Variants in LIMS1 observed in about 807,000 individuals in gnomAD.
LIMS1 encodes LIM zinc finger domain containing 1.
LIMS1 carries 18 observed loss-of-function variants against 44.1 expected under a neutral mutation model. That is an observed-to-expected ratio of 0.41 (90% CI 0.28 to 0.61). The LOEUF (loss-of-function observed/expected upper bound fraction) is 0.61. LIMS1 is among the 20% of genes least tolerant of loss of function. The pLI, the probability that LIMS1 is intolerant of heterozygous loss-of-function variation, is 0.32. For missense variants in LIMS1, 201 were observed against 422.0 expected, an observed-to-expected ratio of 0.48 and a Z score of 4.59; for synonymous variants, 93 against 149.1, an observed-to-expected ratio of 0.62 and a Z score of 2.74.
chr2:108,587,647 A>C (rs1292967284), intron 1 of LIMS1, among the ~76,000 whole-genome samples: 4 of 152,148 alleles, frequency 2.6e-5, no homozygotes, highest in Non-Finnish European at 4.4e-5. Context: ...AGGCAAGGAC[A>C]CCCTCATTCA....
At position 108,551,957 on chromosome 2, in the gene LIMS1, A is replaced by G. The variant is rs866338439; in HGVS notation, c.32+17363A>G. Among the ~76,000 whole-genome samples, 335 of 136,562 alleles carry G rather than the reference A, an allele frequency of 2.5e-3. 5 individuals are homozygous for G. Among genetic ancestry groups the G allele is most frequent in the African/African-American group, 4.7e-3 (178 of 37,618 alleles). The allele number at this position is 136,562 out of a possible 152,430, so 89.6% of individuals were successfully genotyped here. The stretch of plus-strand genomic sequence containing the variant: ...TGTGTGTGTGTGTGTGTGTGTGTAT[A>G]TATATATATATATATGTATATATAT... On this transcript the variant is annotated intron_variant, in intron 1 of 9. Transcript: ENST00000544547.
At position 108,534,484 on chromosome 2, in the gene LIMS1, G is replaced by A. The variant is rs1263584277; in HGVS notation, c.-79G>A. 2.7e-6 allele frequency: 3 copies of A among 1,100,722 alleles called. No homozygotes were observed. The African/African-American group carries it at 5.0e-5, about 18-fold the overall frequency. 68.2% of individuals were successfully genotyped at this position (1,100,722 alleles called of 1,614,324 possible). ...CCGGGCCCGCCAGTAGCCGGCCGCGGCGGCGAGGGACTAGGACGCGGCTGG... is the reference window on the plus strand; with the variant it reads ...CCGGGCCCGCCAGTAGCCGGCCGCGACGGCGAGGGACTAGGACGCGGCTGG... On this transcript the variant is annotated 5_prime_UTR_variant, in exon 1 of 10. Coordinates refer to ENST00000544547, the Ensembl canonical transcript of LIMS1.
At chr2:108,556,217 T>A (rs1481498567) in intron 1 of LIMS1, among the ~76,000 whole-genome samples, 1 of 152,254 alleles carries the variant, frequency 6.6e-6, no homozygotes, top group Non-Finnish European at 1.5e-5. Context: ...TGTGTCTTGC[T>A]AATTTTACTT....
intron 1 of LIMS1, among the ~76,000 whole-genome samples, chr2:108,597,692 G>GCTT (rs1553457470): frequency 2.2e-5 from 2 of 92,834 alleles, no homozygotes; most frequent in Non-Finnish European, 4.3e-5. Context: ...AAGCAAAAAT[G>GCTT]CTTTTTTTTT....
At chr2:108,595,452 G>A (rs946186127) in intron 1 of LIMS1, among the ~76,000 whole-genome samples, 2 of 151,510 alleles carry the variant, frequency 1.3e-5, no homozygotes, top group African/African-American at 4.9e-5. Context: ...AGCAAAACAG[G>A]GACCATCCTA....
chr2:108,591,942 G>A (rs898690726), intron 1 of LIMS1, among the ~76,000 whole-genome samples: 1 of 151,006 alleles, frequency 6.6e-6, no homozygotes, highest in Admixed American at 6.6e-5. Flanking sequence ...TTACAGGCAC[G>A]CACCACCATG....
At chr2:108,603,190 A>G (rs959731139) in intron 1 of LIMS1, among the ~76,000 whole-genome samples, 3 of 152,164 alleles carry the variant, frequency 2.0e-5, no homozygotes, top group Non-Finnish European at 4.4e-5. Flanking sequence ...ATTTTTCAGA[A>G]TAGTTTCAGT....
chr2:108,678,147 T>TCTGC, intron 8 of LIMS1, 120 bp downstream of exon 8: 1 of 1,409,504 alleles, frequency 7.1e-7, no homozygotes, highest in Non-Finnish European at 9.7e-7. Flanking sequence ...TTACTTTTTC[T>TCTGC]CTATCTTTGG....
exon 6 of LIMS1, chr2:108,675,896 T>A: frequency 6.2e-7 from 1 of 1,613,992 alleles, no homozygotes; most frequent in East Asian, 2.2e-5. Context: ...TGACTGCCGA[T>A]GCACGGGAGC....
Position 108,551,650 on chromosome 2 carries a change from A to G in LIMS1, c.32+17056A>G, listed in dbSNP as rs568288492. Among the ~76,000 whole-genome samples, 11 of 143,058 alleles carry G rather than the reference A, an allele frequency of 7.7e-5. No homozygotes were observed. In the East Asian group the frequency reaches 1.6e-3, roughly 21 times the overall value. 93.9% of individuals were successfully genotyped at this position (143,058 alleles called of 152,430 possible). ...TGTGTATATATATGTATATATGTGT[A>G]TATATATGTATATACACATATATAC... On this transcript the variant is annotated intron_variant, in intron 1 of 9. Coordinates refer to ENST00000544547, the Ensembl canonical transcript of LIMS1.
chr2:108,537,539 A>G (rs1444231418), intron 1 of LIMS1, among the ~76,000 whole-genome samples: 1 of 152,244 alleles, frequency 6.6e-6, no homozygotes, highest in Non-Finnish European at 1.5e-5. Flanking sequence ...GGACAATGCC[A>G]TGGGCCTAAG....
At chr2:108,659,923 C>T (rs1691221448) in intron 2 of LIMS1, 159 bp downstream of exon 2, 1 of 727,174 alleles carries the variant, frequency 1.4e-6, no homozygotes, top group Non-Finnish European at 2.3e-6. Flanking sequence ...TCAGAGGTGG[C>T]ATCTCTATGG....
chr2:108,565,970 T>C (rs1227324265), intron 1 of LIMS1, among the ~76,000 whole-genome samples: 2 of 152,200 alleles, frequency 1.3e-5, no homozygotes, highest in Non-Finnish European at 2.9e-5. Context: ...TACTGTTGCA[T>C]TGGGGATTAA....
At chr2:108,577,417 T>C (rs541199153) in intron 1 of LIMS1, among the ~76,000 whole-genome samples, 1 of 152,362 alleles carries the variant, frequency 6.6e-6, no homozygotes, top group South Asian at 2.1e-4. Context: ...CATCGCAGTC[T>C]AGGAAGTTAC....
At chr2:108,588,868 T>C (rs949907265) in intron 1 of LIMS1, among the ~76,000 whole-genome samples, 4 of 152,184 alleles carry the variant, frequency 2.6e-5, no homozygotes, top group African/African-American at 9.7e-5. Flanking sequence ...GTTTTATTGG[T>C]TTCAAAGTAG....
intron 1 of LIMS1, among the ~76,000 whole-genome samples, chr2:108,612,542 T>C (rs993339072): frequency 2.4e-4 from 37 of 152,104 alleles, no homozygotes; most frequent in Admixed American, 7.9e-4. Flanking sequence ...TAAAGTCTTT[T>C]GGGTAATTTG....
At chr2:108,561,879 A>T (rs1254451140) in intron 1 of LIMS1, among the ~76,000 whole-genome samples, 1 of 151,382 alleles carries the variant, frequency 6.6e-6, no homozygotes, top group African/African-American at 2.4e-5. Flanking sequence ...AGTAGCTGGG[A>T]CTACAGGCTC....
chr2:108,642,729 C>T (rs545064331), intron 1 of LIMS1, among the ~76,000 whole-genome samples: 1 of 152,126 alleles, frequency 6.6e-6, no homozygotes, highest in Non-Finnish European at 1.5e-5. Context: ...TTATTCAGGC[C>T]TTAATTATTT....
intron 4 of LIMS1, 75 bp from the exon 5 acceptor site, chr2:108,672,805 G>T: frequency 2.2e-6 from 1 of 462,064 alleles, no homozygotes; most frequent in Non-Finnish European, 3.6e-6. Flanking sequence ...TCTTTTCAGA[G>T]ATAAGGGAAG....
Sources: gnomAD v4.1 joint callset for allele counts (sites outside exome capture counted in the v4.1 genomes callset) on GRCh38, gnomAD v4.1.1 for gene constraint, MANE v1.5 for transcripts, NCBI Gene and HGNC (gene_info 2026-07-23, HGNC 2026-07-21) for gene names.